RTEL1: variants seen among roughly 807,000 people sequenced by gnomAD.
The protein encoded by RTEL1 is regulator of telomere length.
A neutral mutation model predicts 162.2 loss-of-function variants in RTEL1; 86 were observed. The ratio of observed to expected loss-of-function variants is 0.53; its 90% confidence interval spans 0.45 to 0.63. The LOEUF (loss-of-function observed/expected upper bound fraction) is 0.63, where lower values mean the gene tolerates loss of function less well. Ranked by LOEUF, RTEL1 falls within the 30% of genes least tolerant of loss-of-function variation. The pLI, the probability that RTEL1 is intolerant of heterozygous loss-of-function variation, is 0.00. For synonymous variants in RTEL1, 958 were observed against 717.9 expected (o/e 1.33, Z -5.35); for missense variants, 1,941 against 1,750.2 (o/e 1.11, Z -1.95).
rs770559649 is a variant in RTEL1 at position 63,693,130 on chromosome 20, C to G, written c.2852-13C>G. The G allele has an allele frequency of 2.2e-5, 35 of 1,612,136 alleles. No homozygotes were observed. Among genetic ancestry groups the G allele is most frequent in the Non-Finnish European group, 2.7e-5 (32 of 1,179,614 alleles). Reference sequence around the variant, plus strand: ...AAAGGGGCAGATGGGGACAGACGCCCCTTCCTCTACAGGCTTCTACCAGTT... The same window carrying G: ...AAAGGGGCAGATGGGGACAGACGCCGCTTCCTCTACAGGCTTCTACCAGTT... On this transcript the variant is annotated splice_polypyrimidine_tract_variant and intron_variant, in intron 29 of 34. Transcript: ENST00000360203.
rs565661182 is a variant in RTEL1, at chr20:63,662,373, C to T, written c.396-173C>T. The T allele has an allele frequency of 4.5e-6, 6 of 1,343,308 alleles. No homozygotes were observed. In the East Asian group the frequency reaches 1.5e-4, roughly 34 times the overall value. The allele number at this position is 1,343,308 out of a possible 1,614,324, so 83.2% of individuals were successfully genotyped here. ...AGCTGTCGAATCTCCTCCCTCTGTCCAGTACCCCCGCTCGTCTTCTAGCTC... is the reference window on the plus strand; with the variant it reads ...AGCTGTCGAATCTCCTCCCTCTGTCTAGTACCCCCGCTCGTCTTCTAGCTC... On this transcript the variant is annotated intron_variant, in intron 4 of 34. Transcript: ENST00000360203.
chr20:63,671,205 C>T (rs113065364), intron 8 of RTEL1, among the ~76,000 whole-genome samples: 2 of 152,074 alleles, frequency 1.3e-5, no homozygotes, highest in Non-Finnish European at 2.9e-5. Context: ...GGACTACAGG[C>T]ACCCGCCACC....
intron 34 of RTEL1, 40 bp downstream of exon 34, chr20:63,695,690 C>A: frequency 6.2e-7 from 1 of 1,609,636 alleles, no homozygotes. Flanking sequence ...GGGTGTAGCC[C>A]CAGGTGATGG....
intron 6 of RTEL1, chr20:63,665,111 T>A (rs1232278626): frequency 2.0e-5 from 3 of 152,670 alleles, no homozygotes; most frequent in Admixed American, 6.6e-5. Context: ...TGTGTGTGAG[T>A]GTGTGTGTGT....
At chr20:63,680,211 C>G (rs2090452565) in intron 13 of RTEL1, among the ~76,000 whole-genome samples, 1 of 152,232 alleles carries the variant, frequency 6.6e-6, no homozygotes, top group Non-Finnish European at 1.5e-5. Context: ...GCCCAAGGCC[C>G]TAGCTGGCTT....
chr20:63,688,884 C>T (rs1376324583), intron 21 of RTEL1, 171 bp from the exon 22 acceptor site: 3 of 711,656 alleles, frequency 4.2e-6, no homozygotes, highest in Non-Finnish European at 7.2e-6. Context: ...AAGCACTGAG[C>T]AGGCGTGGGG....
intron 14 of RTEL1, chr20:63,682,409 C>T (rs13043488): frequency 1.0e-6 from 1 of 977,948 alleles, no homozygotes; most frequent in Admixed American, 6.4e-5. Context: ...GGCCTCCCAG[C>T]CTCCCACTTA....
intron 30 of RTEL1, among the ~76,000 whole-genome samples, 173 bp downstream of exon 30, chr20:63,693,456 TCCACCTCCACCTCCACCTCCACCTCCA>T (rs1568719916): frequency 9.5e-5 from 2 of 21,042 alleles, no homozygotes; most frequent in Admixed American, 6.8e-4. Context: ...CAGCACCACC[TCCACCTCCACCTCCACCTCCACCTCCA>T]CCACCACCTC....
chr20:63,694,690 T>A (rs776058992), intron 31 of RTEL1, 51 bp from the exon 32 acceptor site: 1 of 1,464,102 alleles, frequency 6.8e-7, no homozygotes, highest in African/African-American at 1.4e-5. Flanking sequence ...GCGGTGGGAC[T>A]CTCAGTCCTC....
chr20:63,664,817 C>T (rs1021228220), intron 6 of RTEL1, among the ~76,000 whole-genome samples: 6 of 152,224 alleles, frequency 3.9e-5, no homozygotes, highest in Admixed American at 1.3e-4. Context: ...AGCTGGCACC[C>T]TTCCTGGCCT....
intron 14 of RTEL1, chr20:63,681,148 G>T: frequency 1.0e-6 from 1 of 985,370 alleles, no homozygotes; most frequent in African/African-American, 1.7e-5. Context: ...CCCGGCAGGG[G>T]TGTCCCTGGG....
rs777797678 is a variant in RTEL1, at chr20:63,690,055, GGCAGGGCA to G, written c.2142-24_2142-17del. ...GAACTGAACCCTTGAAGCGGCTGTG[GGCAGGGCA>G]GCAGGGCTATGGCCACCCCCCAGGT... On this transcript the variant is annotated intron_variant, in intron 24 of 34. Coordinates refer to ENST00000360203, the MANE Select transcript of RTEL1 (RefSeq NM_001283009.2). 3.7e-5 allele frequency: 60 copies of G among 1,603,918 alleles called. No individual in the cohort carries two copies. In the Admixed American group the frequency reaches 9.7e-4, roughly 26 times the overall value.
At chr20:63,665,905 G>A in intron 6 of RTEL1, 99 bp from the exon 7 acceptor site, 2 of 1,125,560 alleles carry the variant, frequency 1.8e-6, no homozygotes, top group Non-Finnish European at 2.6e-6. Flanking sequence ...GCCCAGCCCT[G>A]CCCGCCGTGT....
chr20:63,659,503 A>G lies in RTEL1; in HGVS notation c.101A>G (p.Gln34Arg). 1.2e-6 allele frequency: 2 copies of G among 1,612,102 alleles called. No individual in the cohort carries two copies. Among genetic ancestry groups the G allele is most frequent in the Non-Finnish European group, 8.5e-7 (1 of 1,178,134 alleles). ...YMTKVLECLQ[Q>R]KVNGILESPT... ...ACCAAGGTCCTGGAATGTCTGCAGC[A>G]GGTAGAGCACAGGCCCCGAGGAAAG... The change falls in exon 2 of 35, where the codon CAG becomes CGG. Residue 34 changes from glutamine (Q) to arginine (R), a missense_variant and splice_region_variant. Coordinates refer to ENST00000360203, the MANE Select transcript of RTEL1 (RefSeq NM_001283009.2).
chr20:63,694,068 T>C (rs2090899655), intron 30 of RTEL1, among the ~76,000 whole-genome samples: 3 of 152,140 alleles, frequency 2.0e-5, no homozygotes, highest in Admixed American at 6.5e-5. Flanking sequence ...GAACCTAGCC[T>C]GTTGGGACGA....
chr20:63,688,225 CCCCTGCTCCCAAGAGCTGGTAGGGAA>C (rs969484396), intron 19 of RTEL1, 46 bp downstream of exon 19: 19 of 1,609,756 alleles, frequency 1.2e-5, no homozygotes, highest in Non-Finnish European at 1.6e-5. Context: ...GGATCCTGGA[CCCCTGCTCCCAAGAGCTGGTAGGGAA>C]CCCTGCAGAC....
chr20:63,659,131 C>G (rs2089968104), intron 1 of RTEL1, 102 bp from the exon 2 acceptor site: 17 of 448,994 alleles, frequency 3.8e-5, no homozygotes, highest in Non-Finnish European at 6.6e-5. Flanking sequence ...ACCAGGGTTG[C>G]TCTCCAACCC....
rs2090273635 is a variant in RTEL1, at chr20:63,672,880, T to A, written c.765+259T>A. Among the ~76,000 whole-genome samples, 3 of 152,246 alleles carry A rather than the reference T, an allele frequency of 2.0e-5. No individual in the cohort carries two copies. The East Asian group carries it at 5.8e-4, about 29-fold the overall frequency. ...CCCACAGGCCGCTCACCAGACCCTT[T>A]CCCTCCAGCCAGCTCGGGGTCAGCC... On this transcript the variant is annotated intron_variant, in intron 9 of 34. Coordinates refer to ENST00000360203, the MANE Select transcript of RTEL1 (RefSeq NM_001283009.2).
At position 63,690,861 on chromosome 20, in the gene RTEL1, C is replaced by T. The variant is rs138188555; in HGVS notation, c.2470C>T (p.Pro824Ser). 530 of 1,602,674 alleles carry T rather than the reference C, an allele frequency of 3.3e-4. No homozygotes were observed. The highest frequency in any genetic ancestry group is 4.3e-4 in the Non-Finnish European group (510 of 1,176,176). ...CCTGTGTGTGGAGTATGAGCAGGAG[C>T]CAGTTCCTGCCCGGCAGAGGCCCAG... The part of the protein sequence containing the change: ...SSLCVEYEQE[P>S]VPARQRPRGL... Residue 824 changes from proline (P) to serine (S), a missense_variant, in exon 27 of 35, where the codon CCA becomes TCA. Transcript: ENST00000360203.
Sources: gnomAD v4.1 joint callset for allele counts (sites outside exome capture counted in the v4.1 genomes callset) on GRCh38, gnomAD v4.1.1 for gene constraint, MANE v1.5 for transcripts, NCBI Gene and HGNC (gene_info 2026-07-23, HGNC 2026-07-21) for gene names.